Variants in MYO5B observed in about 807,000 individuals in gnomAD.
The protein encoded by MYO5B is myosin VB, also known as unconventional myosin-Vb.
A neutral mutation model predicts 229.3 loss-of-function variants in MYO5B; 143 were observed. That is an observed-to-expected ratio of 0.62 (90% CI 0.54 to 0.72). The LOEUF is 0.72. MYO5B is among the 30% of genes least tolerant of loss of function. The pLI is 0.00. For missense variants in MYO5B, 2,321 were observed against 2,331.0 expected (o/e 1.00, Z 0.09); for synonymous variants, 918 against 885.2 (o/e 1.04, Z -0.66).
At chr18:49,982,641 T>G (rs59783891) in intron 8 of MYO5B, among the ~76,000 whole-genome samples, 7,487 of 152,294 alleles carry the variant, frequency 0.049, 212 homozygotes, top group Non-Finnish European at 0.064. Context: ...CCTGTTTTCA[T>G]AACTAAGTTC....
Position 49,905,651 on chromosome 18 carries a change from C to T in MYO5B, c.2414+768G>A, listed in dbSNP as rs532460563. 3.3e-5 allele frequency among the ~76,000 whole-genome samples: 5 copies of T among 152,304 alleles called. No homozygotes were observed. The South Asian group carries it at 8.3e-4, about 25-fold the overall frequency. ...GGCCTCCAAACACAAGACTTTGTGG[C>T]GATTATTGTCACTTCTCTAAGGAAA... On this transcript the variant is annotated intron_variant, in intron 19 of 39. Coordinates refer to ENST00000285039, the MANE Select transcript of MYO5B (RefSeq NM_001080467.3).
At chr18:50,100,460 T>C (rs1197892520) in intron 1 of MYO5B, among the ~76,000 whole-genome samples, 3 of 152,220 alleles carry the variant, frequency 2.0e-5, no homozygotes, top group Non-Finnish European at 4.4e-5. Context: ...CCTCAACTAG[T>C]GCACAGAATT....
intron 1 of MYO5B, among the ~76,000 whole-genome samples, chr18:50,086,570 C>T (rs757426433): frequency 1.3e-5 from 2 of 152,168 alleles, no homozygotes; most frequent in Non-Finnish European, 2.9e-5. Flanking sequence ...TCAAATATTG[C>T]TCAGAACCTA....
At chr18:50,140,368 A>C (rs1471377925) in intron 1 of MYO5B, among the ~76,000 whole-genome samples, 2 of 152,242 alleles carry the variant, frequency 1.3e-5, no homozygotes, top group Non-Finnish European at 2.9e-5. Flanking sequence ...ACAGGGAGGA[A>C]ACTAAAGCAA....
chr18:49,993,640 C>T (rs2025955877), intron 5 of MYO5B, among the ~76,000 whole-genome samples: 1 of 152,102 alleles, frequency 6.6e-6, no homozygotes, highest in African/African-American at 2.4e-5. Context: ...ATAGAGGATG[C>T]CAAGTTCCAA....
intron 18 of MYO5B, among the ~76,000 whole-genome samples, chr18:49,907,064 G>A (rs74874477): frequency 1.3e-5 from 2 of 152,162 alleles, no homozygotes; most frequent in East Asian, 1.9e-4. Context: ...AAAGAAGGAA[G>A]GAGGAAAGTT....
intron 17 of MYO5B, among the ~76,000 whole-genome samples, chr18:49,912,594 C>G (rs1355802567): frequency 6.6e-6 from 1 of 152,200 alleles, no homozygotes; most frequent in African/African-American, 2.4e-5. Flanking sequence ...GAATAAGTCT[C>G]ATGAGATCTG....
At chr18:49,945,852 C>G (rs141174830) in intron 14 of MYO5B, among the ~76,000 whole-genome samples, 1 of 152,106 alleles carries the variant, frequency 6.6e-6, no homozygotes, top group African/African-American at 2.4e-5. Flanking sequence ...AGTGGCCCGT[C>G]AGACTGGTGC....
intron 1 of MYO5B, among the ~76,000 whole-genome samples, chr18:50,128,706 A>G (rs2032207120): frequency 6.6e-6 from 1 of 152,168 alleles, no homozygotes; most frequent in Non-Finnish European, 1.5e-5. Flanking sequence ...GCCAGCACCT[A>G]AGAATCCGAG....
chr18:50,179,692 C>A (rs1042628358), intron 1 of MYO5B, among the ~76,000 whole-genome samples: 4 of 152,188 alleles, frequency 2.6e-5, no homozygotes, highest in African/African-American at 7.2e-5. Flanking sequence ...GATGGGACAG[C>A]CTGCTCTCTA....
intron 29 of MYO5B, 39 bp from the exon 30 acceptor site, chr18:49,856,929 G>A: frequency 6.5e-7 from 1 of 1,538,882 alleles, no homozygotes; most frequent in African/African-American, 1.4e-5. Flanking sequence ...GTCCAGTGTA[G>A]ACGGAAGAGA....
chr18:50,097,560 T>C (rs754585845), intron 1 of MYO5B: 66 of 266,666 alleles, frequency 2.5e-4, no homozygotes, highest in Middle Eastern at 2.5e-3. Flanking sequence ...CTCATTTAGA[T>C]GTGTAAGTTC....
At chr18:49,978,824 G>C (rs1258229925) in intron 9 of MYO5B, among the ~76,000 whole-genome samples, 1 of 152,072 alleles carries the variant, frequency 6.6e-6, no homozygotes, top group Non-Finnish European at 1.5e-5. Context: ...GAGGAGCAGG[G>C]TGTTGGGCGG....
intron 5 of MYO5B, among the ~76,000 whole-genome samples, chr18:49,999,618 T>C (rs1333648602): frequency 6.6e-6 from 1 of 152,370 alleles, no homozygotes; most frequent in Admixed American, 6.5e-5. Context: ...TGTTGGATGA[T>C]TATCAGCAGG....
intron 1 of MYO5B, among the ~76,000 whole-genome samples, chr18:50,066,188 G>A (rs2030815391): frequency 6.6e-6 from 1 of 152,192 alleles, no homozygotes; most frequent in African/African-American, 2.4e-5. Flanking sequence ...ATTATTATCA[G>A]CAAGATAGTT....
intron 16 of MYO5B, among the ~76,000 whole-genome samples, chr18:49,934,800 G>T (rs1457424303): frequency 6.6e-6 from 1 of 152,190 alleles, no homozygotes; most frequent in African/African-American, 2.4e-5. Context: ...TTTCCACACA[G>T]AGCCCATCTG....
At chr18:50,049,426 T>C (rs755462065) in intron 2 of MYO5B, among the ~76,000 whole-genome samples, 4 of 152,238 alleles carry the variant, frequency 2.6e-5, no homozygotes, top group Non-Finnish European at 5.9e-5. Flanking sequence ...CATAAAAATA[T>C]GGAGTCAAAG....
chr18:49,868,445 G>A (rs1177347972), intron 27 of MYO5B, among the ~76,000 whole-genome samples: 3 of 152,218 alleles, frequency 2.0e-5, no homozygotes, highest in African/African-American at 7.2e-5. Flanking sequence ...TGGACTCTTA[G>A]TTCTCTATCA....
Position 50,060,071 on chromosome 18 carries a change from G to A in MYO5B, c.28-4693C>T, listed in dbSNP as rs181486925. On this transcript the variant is annotated intron_variant, in intron 1 of 39. Coordinates refer to ENST00000285039, the MANE Select transcript of MYO5B (RefSeq NM_001080467.3). ...GAGGGGAAGGGTTTCTTTTTGGAGC[G>A]ATGAAAGTGTTTTGGTAACCAGACA... Among the ~76,000 whole-genome samples, 52 of 152,272 alleles carry A rather than the reference G, an allele frequency of 3.4e-4. No individual in the cohort carries two copies. In the East Asian group the frequency reaches 9.1e-3, roughly 27 times the overall value.
Sources: allele counts gnomAD v4.1 joint callset (sites outside exome capture counted in the v4.1 genomes callset), GRCh38; gene constraint gnomAD v4.1.1; transcripts MANE v1.5; gene names NCBI Gene and HGNC (gene_info 2026-07-23, HGNC 2026-07-21).